ATF6: variants seen among roughly 807,000 people sequenced by gnomAD.
The protein encoded by ATF6 is cyclic AMP-dependent transcription factor ATF-6 alpha.
In ATF6, 53 loss-of-function variants were observed where a neutral mutation model predicts 83.6. That is an observed-to-expected ratio of 0.63 (90% CI 0.51 to 0.80). The LOEUF (loss-of-function observed/expected upper bound fraction) is 0.80, where lower values mean the gene tolerates loss of function less well. Ranked by LOEUF, ATF6 falls within the 30% of genes least tolerant of loss-of-function variation. The pLI is 0.00. For missense variants in ATF6, 744 were observed against 797.9 expected (o/e 0.93, Z 0.81); for synonymous variants, 288 against 285.8 (o/e 1.01, Z -0.08).
intron 9 of ATF6, among the ~76,000 whole-genome samples, chr1:161,833,257 G>A (rs1040573424): frequency 7.9e-5 from 12 of 152,098 alleles, no homozygotes; most frequent in Non-Finnish European, 1.0e-4. Context: ...CCATCTGTAC[G>A]TCACCATCAT....
intron 15 of ATF6, among the ~76,000 whole-genome samples, chr1:161,930,533 T>C (rs1387818593): frequency 6.6e-6 from 1 of 152,236 alleles, no homozygotes; most frequent in Non-Finnish European, 1.5e-5. Flanking sequence ...ATTATTCACA[T>C]TTATTATAAA....
At chr1:161,832,806 C>T (rs1222708975) in intron 9 of ATF6, among the ~76,000 whole-genome samples, 1 of 152,218 alleles carries the variant, frequency 6.6e-6, no homozygotes. Flanking sequence ...GCCTTCCTGC[C>T]TCTGTAGGCT....
intron 14 of ATF6, among the ~76,000 whole-genome samples, chr1:161,864,262 T>C (rs926221547): frequency 7.2e-5 from 11 of 152,172 alleles, no homozygotes; most frequent in Non-Finnish European, 1.5e-4. Context: ...GGTCCATTTA[T>C]ATGTGGATTT....
chr1:161,807,856 G>T (rs1331573608), intron 7 of ATF6, among the ~76,000 whole-genome samples: 1 of 69,092 alleles, frequency 1.4e-5, no homozygotes, highest in Non-Finnish European at 3.0e-5. Flanking sequence ...GTACTTTTTA[G>T]TTTGTCATCT....
At chr1:161,911,368 A>G (rs1687988994) in intron 14 of ATF6, among the ~76,000 whole-genome samples, 2 of 152,364 alleles carry the variant, frequency 1.3e-5, no homozygotes, top group Admixed American at 6.5e-5. Context: ...TATCAAAGTC[A>G]TAAGTCATTT....
At chr1:161,897,843 T>G (rs564308442) in intron 14 of ATF6, among the ~76,000 whole-genome samples, 3 of 152,208 alleles carry the variant, frequency 2.0e-5, no homozygotes, top group Non-Finnish European at 4.4e-5. Flanking sequence ...AAATTAAATT[T>G]ATATGTTTCC....
intron 9 of ATF6, among the ~76,000 whole-genome samples, chr1:161,843,230 T>C (rs1209362631): frequency 2.0e-5 from 3 of 152,160 alleles, no homozygotes; most frequent in Non-Finnish European, 4.4e-5. Context: ...AGGAAACTCA[T>C]GCAGACTTGG....
intron 7 of ATF6, among the ~76,000 whole-genome samples, chr1:161,802,775 A>G (rs887402483): frequency 6.6e-6 from 1 of 152,144 alleles, no homozygotes; most frequent in Non-Finnish European, 1.5e-5. Flanking sequence ...TCTCTTAGTG[A>G]TTATTTGGTA....
intron 2 of ATF6, among the ~76,000 whole-genome samples, chr1:161,780,379 T>A (rs868849785): frequency 2.6e-5 from 4 of 152,044 alleles, no homozygotes; most frequent in African/African-American, 9.7e-5. Context: ...ATTTTTATTT[T>A]TATTTTTTTT....
intron 7 of ATF6, among the ~76,000 whole-genome samples, chr1:161,819,420 A>G (rs1389238477): frequency 6.6e-6 from 1 of 152,212 alleles, no homozygotes; most frequent in Non-Finnish European, 1.5e-5. Flanking sequence ...AGAAGAAATT[A>G]TTTAACATTT....
At chr1:161,957,060 A>G (rs2101923695) in intron 15 of ATF6, among the ~76,000 whole-genome samples, 1 of 152,160 alleles carries the variant, frequency 6.6e-6, no homozygotes, top group East Asian at 1.9e-4. Flanking sequence ...TCTAAGTGAC[A>G]AGCTCCACAG....
At chr1:161,783,860 C>T (rs1441075305) in intron 3 of ATF6, 130 bp from the exon 4 acceptor site, 5 of 621,352 alleles carry the variant, frequency 8.0e-6, no homozygotes, top group East Asian at 5.6e-5. Context: ...CATTTTCACT[C>T]GTTATATTTT....
rs112972081 is a variant in ATF6, at chr1:161,876,529, G to A, written c.1719+13217G>A. Among the ~76,000 whole-genome samples, 5 of 151,704 alleles carry A rather than the reference G, an allele frequency of 3.3e-5. 1 individual carries two copies. Among genetic ancestry groups the A allele is most frequent in the Admixed American group, 2.0e-4 (3 of 15,192 alleles). On this transcript the variant is annotated intron_variant, in intron 14 of 15. Transcript: ENST00000367942. ...GCTGTAATAGAATTTTTTTTTAGAG[G>A]ATTCTTCACACCTGTGTTTAAAATA...
chr1:161,882,543 T>G (rs1005636150), intron 14 of ATF6, among the ~76,000 whole-genome samples: 7 of 152,114 alleles, frequency 4.6e-5, no homozygotes, highest in Admixed American at 3.3e-4. Context: ...CACATATACA[T>G]ACTCTATGCA....
At chr1:161,808,224 T>C (rs1036884571) in intron 7 of ATF6, among the ~76,000 whole-genome samples, 2 of 152,164 alleles carry the variant, frequency 1.3e-5, no homozygotes, top group African/African-American at 4.8e-5. Context: ...TTTTAAGGAT[T>C]CTGATTTTTA....
intron 9 of ATF6, chr1:161,840,167 A>C (rs1281900859): frequency 6.6e-6 from 1 of 152,182 alleles, no homozygotes; most frequent in Non-Finnish European, 1.5e-5. Flanking sequence ...AAACCTTGTG[A>C]AATATTTGTT....
intron 14 of ATF6, among the ~76,000 whole-genome samples, chr1:161,864,489 C>T (rs1477765634): frequency 6.6e-6 from 1 of 152,192 alleles, no homozygotes; most frequent in Admixed American, 6.5e-5. Flanking sequence ...CTCACTGTCA[C>T]TGAAATTCTC....
intron 5 of ATF6, among the ~76,000 whole-genome samples, 155 bp downstream of exon 5, chr1:161,791,692 G>T (rs566332324): frequency 6.6e-6 from 1 of 152,274 alleles, no homozygotes; most frequent in African/African-American, 2.4e-5. Context: ...AGTGATTACC[G>T]TGGAGAGGAA....
intron 1 of ATF6, among the ~76,000 whole-genome samples, chr1:161,776,757 A>G (rs150791403): frequency 5.3e-4 from 80 of 152,332 alleles, no homozygotes; most frequent in African/African-American, 1.8e-3. Context: ...TAAACATCTA[A>G]GAGGAGATGT....
Sources: gnomAD v4.1 joint callset for allele counts (sites outside exome capture counted in the v4.1 genomes callset) on GRCh38, gnomAD v4.1.1 for gene constraint, MANE v1.5 for transcripts, NCBI Gene and HGNC (gene_info 2026-07-23, HGNC 2026-07-21) for gene names.